The following CRIM1 variants were observed in gnomAD, a reference collection of about 807,000 sequenced individuals.
CRIM1 encodes cysteine rich transmembrane BMP regulator 1.
CRIM1 carries 32 observed loss-of-function variants against 116.4 expected under a neutral mutation model. The observed-to-expected ratio is 0.27, with a 90% confidence interval of 0.21 to 0.37. The LOEUF (loss-of-function observed/expected upper bound fraction) is 0.37. CRIM1 is among the 10% of genes least tolerant of loss of function. The pLI is 1.00. For synonymous variants in CRIM1, 590 were observed against 509.2 expected, an observed-to-expected ratio of 1.16 and a Z score of -2.13; for missense variants, 1,331 against 1,354.8, an observed-to-expected ratio of 0.98 and a Z score of 0.28.
intron 8 of CRIM1, among the ~76,000 whole-genome samples, chr2:36,504,654 C>T (rs1681263088): frequency 6.6e-6 from 1 of 152,162 alleles, no homozygotes; most frequent in South Asian, 2.1e-4. Flanking sequence ...AGTATGATAG[C>T]AACAAAGTTT....
intron 11 of CRIM1, among the ~76,000 whole-genome samples, chr2:36,514,727 G>T (rs3821154): frequency 0.35 from 52,775 of 151,704 alleles, 9,356 homozygotes; most frequent in Middle Eastern, 0.48. Flanking sequence ...GGTGTAGCCG[G>T]GAGCCTGAGG....
At chr2:36,471,507 C>A (rs1257781575) in intron 5 of CRIM1, among the ~76,000 whole-genome samples, 2 of 152,172 alleles carry the variant, frequency 1.3e-5, no homozygotes, top group Non-Finnish European at 2.9e-5. Context: ...AGAAAGATTA[C>A]TATTTACTGA....
intron 2 of CRIM1, among the ~76,000 whole-genome samples, chr2:36,430,676 G>A (rs1227150328): frequency 1.3e-5 from 2 of 152,206 alleles, no homozygotes; most frequent in African/African-American, 4.8e-5. Flanking sequence ...TGGCCCAGAA[G>A]GGTGGAGATG....
intron 4 of CRIM1, among the ~76,000 whole-genome samples, chr2:36,461,574 C>G (rs1677583774): frequency 6.6e-6 from 1 of 152,138 alleles, no homozygotes; most frequent in African/African-American, 2.4e-5. Flanking sequence ...AACTCCTGTT[C>G]CCATCGGTGA....
At chr2:36,451,173 G>T (rs1055718411) in intron 4 of CRIM1, among the ~76,000 whole-genome samples, 1 of 152,142 alleles carries the variant, frequency 6.6e-6, no homozygotes, top group African/African-American at 2.4e-5. Context: ...GCTTGGTGTG[G>T]GGTATAGTGG....
At chr2:36,429,539 A>G (rs1196384002) in intron 2 of CRIM1, among the ~76,000 whole-genome samples, 1 of 152,174 alleles carries the variant, frequency 6.6e-6, no homozygotes, top group Non-Finnish European at 1.5e-5. Context: ...GCTGTCCTCT[A>G]TACCTTGAGC....
chr2:36,544,748 A>G (rs1231038062), intron 15 of CRIM1, among the ~76,000 whole-genome samples: 2 of 152,202 alleles, frequency 1.3e-5, no homozygotes, highest in African/African-American at 2.4e-5. Flanking sequence ...GATGACGGAA[A>G]TAAATGGAAA....
chr2:36,375,657 G>A (rs191179388), intron 1 of CRIM1, among the ~76,000 whole-genome samples: 51 of 152,270 alleles, frequency 3.3e-4, no homozygotes, highest in African/African-American at 1.2e-3. Context: ...CCTGAACCTG[G>A]CTGCTTATTA....
chr2:36,545,996 G>C (rs1275886292), intron 15 of CRIM1, among the ~76,000 whole-genome samples: 1 of 151,980 alleles, frequency 6.6e-6, no homozygotes. Context: ...ATTCCTCCCT[G>C]CTCCCACCAC....
At chr2:36,376,695 G>T (rs957682080) in intron 1 of CRIM1, among the ~76,000 whole-genome samples, 6 of 152,204 alleles carry the variant, frequency 3.9e-5, no homozygotes, top group African/African-American at 1.4e-4. Flanking sequence ...GATGCTCATT[G>T]TCTGGATCTC....
chr2:36,513,361 T>C lies in CRIM1; in HGVS notation c.1781-195T>C. ...ATTGGAGAGAAACTATTTGCCGGTTTTTTTCTCTCTTTTCTTTTTTCAAGA... is the reference window on the plus strand; with the variant it reads ...ATTGGAGAGAAACTATTTGCCGGTTCTTTTCTCTCTTTTCTTTTTTCAAGA... On this transcript the variant is annotated intron_variant, in intron 10 of 16. Transcript: ENST00000280527. The C allele has an allele frequency of 5.4e-6, 3 of 558,462 alleles. No individual in the cohort carries two copies. In the East Asian group the frequency reaches 8.6e-5, roughly 16 times the overall value. The allele number at this position is 558,462 out of a possible 1,614,324, so 34.6% of individuals were successfully genotyped here. A position where few individuals can be genotyped will look rare whatever the true frequency, so the allele number is the denominator to read the frequency against.
chr2:36,531,814 T>C (rs372441099), intron 13 of CRIM1: 4 of 447,620 alleles, frequency 8.9e-6, no homozygotes, highest in South Asian at 6.6e-5. Flanking sequence ...TGAAAGACAT[T>C]GTATATTTTT....
chr2:36,424,702 G>A (rs1049450976), intron 2 of CRIM1, among the ~76,000 whole-genome samples: 10 of 152,000 alleles, frequency 6.6e-5, no homozygotes, highest in African/African-American at 1.9e-4. Flanking sequence ...CACTTCCTCC[G>A]TGAAGTTTTT....
rs1667173612 is a variant in CRIM1 at position 36,544,476 on chromosome 2, T to C, written c.2724T>C (p.Asn908=). ...CCCTGTGGCCCACGCCTAGTGAAAA[T>C]GATATCGTCCATCTCCCTAGAGGTA... The part of the protein sequence containing the change: ...EVPLWPTPSE[N]DIVHLPRDMG... Residue 908 remains asparagine, a synonymous_variant, in exon 15 of 17, where the codon AAT becomes AAC. Transcript: ENST00000280527. 5.1e-6 allele frequency: 7 copies of C among 1,381,958 alleles called. No individual in the cohort carries two copies. The East Asian group carries it at 1.9e-4, about 38-fold the overall frequency. The allele number at this position is 1,381,958 out of a possible 1,614,324, so 85.6% of individuals were successfully genotyped here. A position where few individuals can be genotyped will look rare whatever the true frequency, so the allele number is the denominator to read the frequency against.
intron 13 of CRIM1, among the ~76,000 whole-genome samples, chr2:36,527,192 A>G (rs1299948039): frequency 1.3e-5 from 2 of 151,504 alleles, no homozygotes; most frequent in African/African-American, 4.8e-5. Context: ...AATAAATACA[A>G]GTATATATGT....
chr2:36,391,558 T>C (rs1171172884), intron 1 of CRIM1, among the ~76,000 whole-genome samples: 1 of 152,146 alleles, frequency 6.6e-6, no homozygotes, highest in Non-Finnish European at 1.5e-5. Context: ...TAAAGAAACA[T>C]TCATTTTTAT....
chr2:36,509,629 A>G (rs1157041839), intron 8 of CRIM1, among the ~76,000 whole-genome samples: 4 of 152,240 alleles, frequency 2.6e-5, no homozygotes, highest in South Asian at 2.1e-4. Flanking sequence ...CATAATGTAA[A>G]TGGTCATCAG....
At position 36,393,132 on chromosome 2, in the gene CRIM1, G is replaced by A. The variant is rs148153472; in HGVS notation, c.332-3482G>A. On this transcript the variant is annotated intron_variant, in intron 1 of 16. Transcript: ENST00000280527. ...TGAAAACCAATTAGCTGTGAGATGG[G>A]CTGCTTGGAAGGACTGTTGATGCCA... 2.5e-3 allele frequency among the ~76,000 whole-genome samples: 387 copies of A among 152,312 alleles called. 5 individuals carry two copies. Among genetic ancestry groups the A allele is most frequent in the African/African-American group, 8.4e-3 (350 of 41,570 alleles).
intron 2 of CRIM1, among the ~76,000 whole-genome samples, chr2:36,411,817 A>G (rs976116945): frequency 6.6e-6 from 1 of 152,160 alleles, no homozygotes; most frequent in African/African-American, 2.4e-5. Context: ...CGTGAGATAC[A>G]TTCCAGTGGT....
Sources: allele counts gnomAD v4.1 joint callset (sites outside exome capture counted in the v4.1 genomes callset), GRCh38; gene constraint gnomAD v4.1.1; transcripts MANE v1.5; gene names NCBI Gene and HGNC (gene_info 2026-07-23, HGNC 2026-07-21).